The following STOX1 variants were observed in gnomAD, a reference collection of about 807,000 sequenced individuals.
STOX1 encodes storkhead-box protein 1.
STOX1 carries 57 observed loss-of-function variants against 74.8 expected under a neutral mutation model. That is an observed-to-expected ratio of 0.76 (90% CI 0.62 to 0.95). The LOEUF (loss-of-function observed/expected upper bound fraction) is 0.95. Among genes scored for constraint, STOX1 ranks in the 40% least tolerant of loss-of-function variants. STOX1 has a pLI of 0.00. For synonymous variants in STOX1, 375 were observed against 401.3 expected (o/e 0.93, Z 0.78); for missense variants, 1,010 against 1,117.0 (o/e 0.90, Z 1.37).
At chr10:68,833,725 G>A (rs1400365612) in intron 1 of STOX1, among the ~76,000 whole-genome samples, 1 of 152,148 alleles carries the variant, frequency 6.6e-6, no homozygotes, top group African/African-American at 2.4e-5. Flanking sequence ...GACTGGTTTC[G>A]GGTCTGATTC....
At chr10:68,874,174 C>T (rs959827004) in intron 1 of STOX1, among the ~76,000 whole-genome samples, 1 of 151,750 alleles carries the variant, frequency 6.6e-6, no homozygotes, top group Non-Finnish European at 1.5e-5. Flanking sequence ...TGTTTGGTTT[C>T]CCTATAAAAA....
intron 1 of STOX1, among the ~76,000 whole-genome samples, chr10:68,881,571 C>A (rs1840813752): frequency 6.6e-6 from 1 of 152,134 alleles, no homozygotes; most frequent in Non-Finnish European, 1.5e-5. Flanking sequence ...AAGAAATAAT[C>A]CTGTGTCTGC....
rs933230859 is a variant in STOX1, at chr10:68,860,702, T to G, written c.311-21256T>G. On this transcript the variant is annotated intron_variant, in intron 1 of 3. Coordinates refer to ENST00000298596, the MANE Select transcript of STOX1 (RefSeq NM_152709.5). ...AGAGGAAGGCGAGGGAAAATTTGAT[T>G]GGGTGTGTGTGTTAAATGGGCCAAC... Among the ~76,000 whole-genome samples the G allele has an allele frequency of 2.6e-5, 4 of 151,768 alleles. No individual in the cohort carries two copies. The East Asian group carries it at 7.7e-4, about 29-fold the overall frequency.
intron 1 of STOX1, among the ~76,000 whole-genome samples, chr10:68,832,699 C>T (rs1285481380): frequency 6.6e-6 from 1 of 150,718 alleles, no homozygotes; most frequent in Non-Finnish European, 1.5e-5. Context: ...GTGCTGGTGG[C>T]TCTTTTTAAA....
At chr10:68,863,751 A>G (rs1840326844) in intron 1 of STOX1, among the ~76,000 whole-genome samples, 1 of 152,078 alleles carries the variant, frequency 6.6e-6, no homozygotes, top group African/African-American at 2.4e-5. Context: ...GTAACTGAGC[A>G]TTTTCAACTG....
intron 1 of STOX1, among the ~76,000 whole-genome samples, chr10:68,880,586 T>A (rs1840792763): frequency 6.6e-6 from 1 of 152,208 alleles, no homozygotes; most frequent in Admixed American, 6.5e-5. Context: ...TGACCACTAT[T>A]TTTTTGAAGC....
At chr10:68,842,911 G>A (rs190188340) in intron 1 of STOX1, among the ~76,000 whole-genome samples, 2 of 152,084 alleles carry the variant, frequency 1.3e-5, no homozygotes, top group Non-Finnish European at 2.9e-5. Context: ...TAAACCAAAC[G>A]AGCCTTTGAC....
intron 1 of STOX1, among the ~76,000 whole-genome samples, chr10:68,836,623 C>T (rs1200036280): frequency 6.6e-6 from 1 of 152,214 alleles, no homozygotes; most frequent in African/African-American, 2.4e-5. Context: ...GGAGCCTGTA[C>T]TGGGATTCTG....
At chr10:68,847,196 G>T (rs1472907536) in intron 1 of STOX1, among the ~76,000 whole-genome samples, 1 of 152,146 alleles carries the variant, frequency 6.6e-6, no homozygotes, top group Admixed American at 6.6e-5. Context: ...AGGCACAGTG[G>T]CACTGAGGAT....
chr10:68,865,700 G>A (rs544985824), intron 1 of STOX1, among the ~76,000 whole-genome samples: 1 of 152,158 alleles, frequency 6.6e-6, no homozygotes, highest in Admixed American at 6.5e-5. Flanking sequence ...AGCAGGAGAA[G>A]GCAGTCCTGG....
chr10:68,874,878 G>A (rs7906601), intron 1 of STOX1, among the ~76,000 whole-genome samples: 99,577 of 152,056 alleles, frequency 0.65, 33,004 homozygotes, highest in East Asian at 0.9. Context: ...AGTGGACAAG[G>A]CAAACACAGA....
At chr10:68,852,636 C>T (rs901546798) in intron 1 of STOX1, among the ~76,000 whole-genome samples, 9 of 151,174 alleles carry the variant, frequency 6.0e-5, no homozygotes, top group Non-Finnish European at 7.4e-5. Flanking sequence ...CAGGCTGTAG[C>T]GCAGTCTCAC....
Position 68,885,134 on chromosome 10 carries a change from CA to C in STOX1, c.1339del (p.Ile447LeufsTer25), listed in dbSNP as rs774814500. 6.2e-7 allele frequency: 1 copy of C among 1,613,506 alleles called. No individual in the cohort carries two copies. The highest frequency in any genetic ancestry group is 8.5e-7 in the Non-Finnish European group (1 of 1,179,692). On this transcript the variant is annotated frameshift_variant, in exon 3 of 4. Coordinates refer to ENST00000298596, the MANE Select transcript of STOX1 (RefSeq NM_152709.5). LOFTEE classifies it high-confidence loss of function. Reference sequence around the variant, plus strand: ...AGGGAAGTGAGTTTCAGCCAGGAAGCATTAGACTGGAGAAACACCCCAAGCT... The same window carrying C: ...AGGGAAGTGAGTTTCAGCCAGGAAGCTTAGACTGGAGAAACACCCCAAGCT... ...NQGSEFQPGS[I>X]RLEKHPKLPA...
intron 1 of STOX1, among the ~76,000 whole-genome samples, chr10:68,833,722 T>G (rs1839469740): frequency 6.6e-6 from 1 of 152,202 alleles, no homozygotes; most frequent in South Asian, 2.1e-4. Flanking sequence ...CAGGACTGGT[T>G]TCGGGTCTGA....
intron 1 of STOX1, among the ~76,000 whole-genome samples, chr10:68,844,275 T>C (rs1428214263): frequency 1.3e-5 from 2 of 151,486 alleles, no homozygotes; most frequent in African/African-American, 4.8e-5. Context: ...TGTGTGCTTG[T>C]TTGCTATGTC....
chr10:68,870,086 G>A (rs1840501596), intron 1 of STOX1, among the ~76,000 whole-genome samples: 1 of 151,844 alleles, frequency 6.6e-6, no homozygotes, highest in Non-Finnish European at 1.5e-5. Context: ...AAAAATCTAG[G>A]GAAACTTTAA....
chr10:68,830,558 G>T, intron 1 of STOX1, among the ~76,000 whole-genome samples: 1 of 152,066 alleles, frequency 6.6e-6, no homozygotes, highest in African/African-American at 2.4e-5. Flanking sequence ...GGCCAGACTG[G>T]TCTCGAACTT....
At chr10:68,847,503 A>C (rs1227751405) in intron 1 of STOX1, among the ~76,000 whole-genome samples, 1 of 150,334 alleles carries the variant, frequency 6.7e-6, no homozygotes. Flanking sequence ...TCCGCCTCCC[A>C]GGTTCAAGCG....
intron 1 of STOX1, among the ~76,000 whole-genome samples, chr10:68,852,319 C>T (rs1281158134): frequency 3.1e-5 from 4 of 130,616 alleles, no homozygotes; most frequent in African/African-American, 8.7e-5. Context: ...ACTGCAGTGG[C>T]GCAATCTCGG....
Sources: gnomAD v4.1 joint callset for allele counts (sites outside exome capture counted in the v4.1 genomes callset) on GRCh38, gnomAD v4.1.1 for gene constraint, MANE v1.5 for transcripts, NCBI Gene and HGNC (gene_info 2026-07-23, HGNC 2026-07-21) for gene names.